CES5A: variants seen among roughly 807,000 people sequenced by gnomAD.
CES5A encodes carboxylesterase 5.
A neutral mutation model predicts 62.9 loss-of-function variants in CES5A; 67 were observed. That is an observed-to-expected ratio of 1.07 (90% CI 0.88 to 1.31). The LOEUF (loss-of-function observed/expected upper bound fraction) is 1.31. CES5A is among the 50% of genes most tolerant of loss of function. The pLI is 0.00. For synonymous variants in CES5A, 296 were observed against 280.8 expected (o/e 1.05, Z -0.54); for missense variants, 748 against 708.5 (o/e 1.06, Z -0.63).
chr16:55,929,389 G>A (rs1403145297), upstream of CES5A, among the ~76,000 whole-genome samples: 1 of 152,198 alleles, frequency 6.6e-6, no homozygotes, highest in African/African-American at 2.4e-5. Flanking sequence ...AGAAGAGGGG[G>A]CGAGCAGCAT....
Position 55,861,521 on chromosome 16 carries a change from T to A in CES5A, c.811-5A>T. ...GAAATGTGCAACCACCTGCAGCTAT[T>A]TTGTAGAGAAGGACCGGGTTAGAGC... On this transcript the variant is annotated splice_polypyrimidine_tract_variant and splice_region_variant and intron_variant, in intron 6 of 12. Transcript: ENST00000290567. 6.2e-7 allele frequency: 1 copy of A among 1,601,172 alleles called. No individual in the cohort carries two copies. Among genetic ancestry groups the A allele is most frequent in the Non-Finnish European group, 8.6e-7 (1 of 1,168,250 alleles).
intron 2 of CES5A, among the ~76,000 whole-genome samples, chr16:55,947,120 A>G (rs2142484447): frequency 6.6e-6 from 1 of 151,878 alleles, no homozygotes; most frequent in East Asian, 1.9e-4. Context: ...CCTGGGAGGG[A>G]CCCCGGGGAA....
intron 1 of CES5A, among the ~76,000 whole-genome samples, chr16:55,893,863 A>G (rs1016639925): frequency 6.6e-6 from 1 of 152,166 alleles, no homozygotes; most frequent in Admixed American, 6.5e-5. Flanking sequence ...TGCATATCTG[A>G]GAATCTCAAC....
chr16:55,955,792 A>G (rs1211911971), intron 1 of CES5A: 2 of 1,522,824 alleles, frequency 1.3e-6, no homozygotes, highest in Non-Finnish European at 1.8e-6. Context: ...TTCTCATTCC[A>G]GTGGGTTTGG....
At chr16:55,931,210 C>A (rs2034307998) in intron 2 of CES5A, among the ~76,000 whole-genome samples, 1 of 152,218 alleles carries the variant, frequency 6.6e-6, no homozygotes, top group African/African-American at 2.4e-5. Context: ...AACTTCTCTA[C>A]TGTAAATATC....
At position 55,866,050 on chromosome 16, in the gene CES5A, G is replaced by T; in HGVS notation, c.618C>A (p.Val206=). ...FKDQVAALSW[V]QKNIEFFGGD... ...CACCGAAGAACTCGATGTTCTTCTG[G>T]ACCCAGGACAGAGCAGCCACCTGGT... The change falls in exon 5 of 13, where the codon GTC becomes GTA. Residue 206 remains valine, a synonymous_variant. Coordinates refer to ENST00000290567, the MANE Select transcript of CES5A (RefSeq NM_001143685.2). 1 of 1,614,168 alleles carries T rather than the reference G, an allele frequency of 6.2e-7. No homozygotes were observed. The highest frequency in any genetic ancestry group is 8.5e-7 in the Non-Finnish European group (1 of 1,180,016).
chr16:55,863,916 C>T (rs1269543424), intron 5 of CES5A, among the ~76,000 whole-genome samples: 1 of 151,978 alleles, frequency 6.6e-6, no homozygotes, highest in African/African-American at 2.4e-5. Context: ...ACCACCACGC[C>T]CAGCTAATTT....
intron 1 of CES5A, among the ~76,000 whole-genome samples, chr16:55,891,925 A>T (rs1207551323): frequency 6.6e-6 from 1 of 152,214 alleles, no homozygotes; most frequent in African/African-American, 2.4e-5. Flanking sequence ...CATATTTTGA[A>T]ATGGCCCTGC....
rs80287821 is a variant in CES5A at position 55,944,653 on chromosome 16, C to T, written c.160+5132G>A. 1.4e-4 allele frequency among the ~76,000 whole-genome samples: 21 copies of T among 152,278 alleles called. No individual in the cohort carries two copies. In the East Asian group the frequency reaches 2.5e-3, roughly 18 times the overall value. On this transcript the variant is annotated intron_variant, in intron 2 of 13. Coordinates refer to the CES5A transcript ENST00000521992. ...ATGCAAAAAAACTTCCAGGCTCTTG[C>T]GCATTTCAACGCTAACTGTTCGGCC... is the stretch of plus-strand genomic sequence containing the variant.
chr16:55,893,035 A>G (rs1360279075), intron 1 of CES5A, among the ~76,000 whole-genome samples: 2 of 152,194 alleles, frequency 1.3e-5, no homozygotes, highest in Non-Finnish European at 2.9e-5. Context: ...TGCCAAATAC[A>G]GCCTTCTGGT....
chr16:55,892,920 G>A (rs1259380201), intron 1 of CES5A, among the ~76,000 whole-genome samples: 1 of 152,092 alleles, frequency 6.6e-6, no homozygotes, highest in Non-Finnish European at 1.5e-5. Context: ...ATAGGTAAAA[G>A]GATTAGCCTA....
intron 11 of CES5A, among the ~76,000 whole-genome samples, chr16:55,847,543 C>T (rs1050318222): frequency 3.3e-5 from 5 of 152,116 alleles, no homozygotes; most frequent in African/African-American, 4.8e-5. Flanking sequence ...TGCCCAGTGA[C>T]GAGCCTCAGA....
chr16:55,932,005 G>C (rs1441297128), intron 2 of CES5A, among the ~76,000 whole-genome samples: 4 of 152,174 alleles, frequency 2.6e-5, no homozygotes, highest in Non-Finnish European at 4.4e-5. Flanking sequence ...TGGGTCATGA[G>C]GGCTATGCCT....
intron 1 of CES5A, among the ~76,000 whole-genome samples, chr16:55,902,379 T>C (rs755227067): frequency 1.3e-5 from 2 of 152,088 alleles, no homozygotes; most frequent in Admixed American, 1.3e-4. Flanking sequence ...TTATTACTCA[T>C]CCCCACAAGT....
intron 2 of CES5A, among the ~76,000 whole-genome samples, chr16:55,945,319 T>A (rs1257915855): frequency 2.0e-5 from 3 of 152,206 alleles, no homozygotes. Context: ...AGTTAAGCAA[T>A]TTGCACAAGG....
intron 2 of CES5A, chr16:55,944,369 G>A (rs1597161203): frequency 4.9e-6 from 2 of 408,356 alleles, no homozygotes; most frequent in South Asian, 8.8e-5. Context: ...CACCATTGGG[G>A]GCTCTCATTT....
At chr16:55,879,531 A>T (rs1244577060), upstream of CES5A, among the ~76,000 whole-genome samples, 1 of 151,936 alleles carries the variant, frequency 6.6e-6, no homozygotes, top group Non-Finnish European at 1.5e-5. Flanking sequence ...CCACTCCTGC[A>T]TCTCATCACT....
chr16:55,914,811 T>G (rs1011582653), intron 1 of CES5A, among the ~76,000 whole-genome samples: 1 of 152,284 alleles, frequency 6.6e-6, no homozygotes, highest in African/African-American at 2.4e-5. Context: ...AGTGGGAAAC[T>G]GGGTGAAATC....
At chr16:55,915,409 G>A (rs556608036) in intron 1 of CES5A, among the ~76,000 whole-genome samples, 1 of 152,286 alleles carries the variant, frequency 6.6e-6, no homozygotes, top group South Asian at 2.1e-4. Flanking sequence ...GCAGTGGAAG[G>A]GGGTGGAGAA....
Sources: gnomAD v4.1 joint callset for allele counts (sites outside exome capture counted in the v4.1 genomes callset) on GRCh38, gnomAD v4.1.1 for gene constraint, MANE v1.5 for transcripts, NCBI Gene and HGNC (gene_info 2026-07-23, HGNC 2026-07-21) for gene names.